Variants in RAB5C observed in about 807,000 individuals in gnomAD.
RAB5C encodes ras-related protein Rab-5C.
A neutral mutation model predicts 25.2 loss-of-function variants in RAB5C; 4 were observed. That is an observed-to-expected ratio of 0.16 (90% confidence interval 0.08 to 0.36). The LOEUF (loss-of-function observed/expected upper bound fraction) is 0.36, where lower values mean the gene tolerates loss of function less well. RAB5C is among the 10% of genes least tolerant of loss of function. RAB5C has a pLI of 1.00. For missense variants in RAB5C, 199 were observed against 283.8 expected (o/e 0.70, Z 2.15); for synonymous variants, 100 against 106.4 (o/e 0.94, Z 0.37).
chr17:42,153,997 C>T (rs1194384088), intron 1 of RAB5C, among the ~76,000 whole-genome samples: 1 of 152,070 alleles, frequency 6.6e-6, no homozygotes, highest in Non-Finnish European at 1.5e-5. Flanking sequence ...AAGAGATGGC[C>T]CTTCAATTCC....
intron 3 of RAB5C, 119 bp downstream of exon 3, chr17:42,128,530 T>A: frequency 2.7e-6 from 2 of 730,800 alleles, no homozygotes; most frequent in Non-Finnish European, 4.1e-6. Context: ...ACAGGAAATC[T>A]GCCCACCCCC....
chr17:42,153,138 G>C (rs567077008), intron 1 of RAB5C, among the ~76,000 whole-genome samples: 37 of 152,166 alleles, frequency 2.4e-4, no homozygotes, highest in African/African-American at 8.9e-4. Context: ...TAAGTAGGCC[G>C]GGCACGGTGG....
At chr17:42,143,506 G>A (rs182935974) in intron 1 of RAB5C, among the ~76,000 whole-genome samples, 4 of 152,174 alleles carry the variant, frequency 2.6e-5, no homozygotes, top group East Asian at 1.9e-4. Flanking sequence ...GCATGGTAGC[G>A]TGCACCTGTA....
intron 1 of RAB5C, among the ~76,000 whole-genome samples, chr17:42,151,433 A>T (rs566459768): frequency 6.6e-6 from 1 of 151,346 alleles, no homozygotes; most frequent in South Asian, 2.1e-4. Flanking sequence ...CGAGACTCCG[A>T]CTCAAAAAAA....
chr17:42,152,207 G>A (rs1341857923), intron 1 of RAB5C, among the ~76,000 whole-genome samples: 2 of 152,084 alleles, frequency 1.3e-5, no homozygotes, highest in South Asian at 2.1e-4. Flanking sequence ...TGAGGAATAT[G>A]TATGAAAATA....
intron 1 of RAB5C, among the ~76,000 whole-genome samples, chr17:42,139,992 A>G (rs1228824214): frequency 6.6e-6 from 1 of 152,196 alleles, no homozygotes; most frequent in Non-Finnish European, 1.5e-5. Flanking sequence ...CTATTTAGCT[A>G]GGACATTTCT....
chr17:42,127,523 G>A (rs2054438607), intron 4 of RAB5C, among the ~76,000 whole-genome samples: 1 of 151,910 alleles, frequency 6.6e-6, no homozygotes, highest in South Asian at 2.1e-4. Flanking sequence ...ATTCCTTTTA[G>A]GCCCATGCTT....
chr17:42,130,924 C>G (rs1431435540), intron 1 of RAB5C, among the ~76,000 whole-genome samples: 1 of 152,102 alleles, frequency 6.6e-6, no homozygotes, highest in East Asian at 1.9e-4. Context: ...TGTGTGACAG[C>G]CTGGTGACAG....
chr17:42,150,595 TGCTTGTAATCCCA>T (rs2079664622), intron 1 of RAB5C, among the ~76,000 whole-genome samples: 1 of 134,844 alleles, frequency 7.4e-6, no homozygotes, highest in African/African-American at 2.9e-5. Flanking sequence ...CGGTGGCTCA[TGCTTGTAATCCCA>T]GCACTCTGGG....
At position 42,128,333 on chromosome 17, in the gene RAB5C, G is replaced by A. The variant is rs1258689177; in HGVS notation, c.369C>T (p.Ala123=). 6.2e-7 allele frequency: 1 copy of A among 1,614,112 alleles called. No homozygotes were observed. The highest frequency in any genetic ancestry group is 1.1e-5 in the South Asian group (1 of 91,062). The change falls in exon 4 of 6, where the codon GCC becomes GCT. Residue 123 remains alanine (A), a synonymous_variant. Transcript: ENST00000346213. ...KNWVKELQRQ[A]SPNIVIALAG... is the part of the protein sequence containing the mutation. Reference sequence around the variant, plus strand: ...CGAGTGCAATGACGATGTTGGGGCTGGCCTGCCTCTGTAGCTCCTTCACCC... The same window carrying A: ...CGAGTGCAATGACGATGTTGGGGCTAGCCTGCCTCTGTAGCTCCTTCACCC...
intron 1 of RAB5C, among the ~76,000 whole-genome samples, chr17:42,145,405 T>C (rs1019461037): frequency 2.0e-5 from 3 of 152,130 alleles, no homozygotes; most frequent in Admixed American, 1.3e-4. Flanking sequence ...GAAAGGCTTG[T>C]GGATTGTATG....
At position 42,140,509 on chromosome 17, in the gene RAB5C, ATATATATTTTTTTTT is replaced by A. The variant is rs1223189772; in HGVS notation, c.-88-9934_-88-9920del. Among the ~76,000 whole-genome samples the A allele has an allele frequency of 2.5e-4, 9 of 36,200 alleles. No individual in the cohort carries two copies. The African/African-American group carries it at 2.5e-3, about 10-fold the overall frequency. The allele number at this position is 36,200 out of a possible 152,430, so 23.7% of individuals were successfully genotyped here. On this transcript the variant is annotated intron_variant, in intron 1 of 5. Coordinates refer to ENST00000346213, the MANE Select transcript of RAB5C (RefSeq NM_004583.4). ...AATATATATATATATATATATATAT[ATATATATTTTTTTTT>A]TTTTTTTTTTTTTTTTTGAGATGGA...
chr17:42,125,704 T>A lies in RAB5C; in HGVS notation c.*79A>T. ...CCCCCCCAGTGGTGGCCCGAGTCGT[T>A]AAGTGCGATTGGTTAGAGTGGATTC... is the stretch of plus-strand genomic sequence containing the variant. On this transcript the variant is annotated 3_prime_UTR_variant, in exon 6 of 6. Coordinates refer to ENST00000346213, the MANE Select transcript of RAB5C (RefSeq NM_004583.4). The A allele has an allele frequency of 9.9e-7, 1 of 1,014,740 alleles. No individual in the cohort carries two copies. The highest frequency in any genetic ancestry group is 1.5e-6 in the Non-Finnish European group (1 of 679,540). 62.9% of individuals were successfully genotyped at this position (1,014,740 alleles called of 1,614,324 possible). A position where few individuals can be genotyped will look rare whatever the true frequency, so the allele number is the denominator to read the frequency against.
At chr17:42,136,206 C>G (rs2054534950) in intron 1 of RAB5C, 1 of 152,230 alleles carries the variant, frequency 6.6e-6, no homozygotes. Flanking sequence ...TAAAAGCCAA[C>G]TGGAGTCAAG....
intron 1 of RAB5C, among the ~76,000 whole-genome samples, chr17:42,132,206 T>C (rs946181295): frequency 2.0e-5 from 3 of 152,142 alleles, no homozygotes; most frequent in Non-Finnish European, 4.4e-5. Context: ...CAGCAACTCA[T>C]TTAAAAAGTG....
chr17:42,134,705 G>A (rs932798005), intron 1 of RAB5C, among the ~76,000 whole-genome samples: 1 of 152,180 alleles, frequency 6.6e-6, no homozygotes, highest in Non-Finnish European at 1.5e-5. Context: ...AGGCCACTAA[G>A]AACAAGCACC....
chr17:42,135,083 C>T (rs11869069), intron 1 of RAB5C, among the ~76,000 whole-genome samples: 1 of 150,794 alleles, frequency 6.6e-6, no homozygotes, highest in African/African-American at 2.4e-5. Context: ...CAGGCTCAAG[C>T]GATTCTAATG....
chr17:42,143,877 C>T (rs2144089649), intron 1 of RAB5C, among the ~76,000 whole-genome samples: 1 of 152,154 alleles, frequency 6.6e-6, no homozygotes, highest in South Asian at 2.1e-4. Flanking sequence ...CCACCACCTC[C>T]CTGCTTCAAA....
In RAB5C at chr17:42,128,818, C is replaced by T. The variant is rs938613826; in HGVS notation, c.167-18G>A. ...GAAGGCCGCTGTAAGAGAGAAGGAG[C>T]GTCCATGGGCAAGAGCGAGTTGGAA... On this transcript the variant is annotated intron_variant, in intron 2 of 5. Coordinates refer to ENST00000346213, the MANE Select transcript of RAB5C (RefSeq NM_004583.4). 5.5e-6 allele frequency: 8 copies of T among 1,451,702 alleles called. No homozygotes were observed. The highest frequency in any genetic ancestry group is 1.6e-5 in the South Asian group (1 of 63,414). The allele number at this position is 1,451,702 out of a possible 1,614,324, so 89.9% of individuals were successfully genotyped here. A position where few individuals can be genotyped will look rare whatever the true frequency, so the allele number is the denominator to read the frequency against.
Sources: allele counts gnomAD v4.1 joint callset (sites outside exome capture counted in the v4.1 genomes callset), GRCh38; gene constraint gnomAD v4.1.1; transcripts MANE v1.5; gene names NCBI Gene and HGNC (gene_info 2026-07-23, HGNC 2026-07-21).